The following ERC2 variants were observed in gnomAD, a reference collection of about 807,000 sequenced individuals.
ERC2 encodes ERC protein 2.
Under a neutral mutation model 114.8 loss-of-function variants are expected in ERC2, and 42 were observed. The observed-to-expected ratio is 0.37, with a 90% confidence interval of 0.29 to 0.47. The LOEUF (loss-of-function observed/expected upper bound fraction) is 0.47. Among genes scored for constraint, ERC2 ranks in the 20% least tolerant of loss-of-function variants. The pLI, the probability that ERC2 is intolerant of heterozygous loss-of-function variation, is 0.99. For synonymous variants in ERC2, 454 were observed against 425.5 expected (o/e 1.07, Z -0.82); for missense variants, 939 against 1,150.7 (o/e 0.82, Z 2.66).
chr3:56,093,188 G>A (rs9842617), intron 6 of ERC2, among the ~76,000 whole-genome samples: 27,226 of 152,078 alleles, frequency 0.18, 2,601 homozygotes, highest in African/African-American at 0.23. Flanking sequence ...CTATAAGAGC[G>A]TTCTTATGTT....
chr3:56,268,274 T>A (rs2150286048), intron 3 of ERC2, among the ~76,000 whole-genome samples: 1 of 152,322 alleles, frequency 6.6e-6, no homozygotes, highest in Admixed American at 6.5e-5. Flanking sequence ...CTATACCATA[T>A]AGCCTAGGTA....
intron 4 of ERC2, among the ~76,000 whole-genome samples, chr3:56,165,464 T>TC (rs1206550245): frequency 8.5e-6 from 1 of 118,018 alleles, no homozygotes. Flanking sequence ...ATGCTATCCC[T>TC]CCCCCCTCCC....
chr3:55,750,829 A>G (rs1028432232), intron 14 of ERC2, among the ~76,000 whole-genome samples: 2 of 152,238 alleles, frequency 1.3e-5, no homozygotes, highest in Non-Finnish European at 2.9e-5. Flanking sequence ...GCATGCCCGC[A>G]TGCACACATG....
chr3:55,665,686 C>T (rs1252161463), intron 17 of ERC2, among the ~76,000 whole-genome samples: 1 of 152,156 alleles, frequency 6.6e-6, no homozygotes, highest in East Asian at 1.9e-4. Context: ...CTGCCTACAC[C>T]TTGAACAAAG....
At chr3:56,001,291 T>G (rs2072036124) in intron 10 of ERC2, among the ~76,000 whole-genome samples, 2 of 152,120 alleles carry the variant, frequency 1.3e-5, no homozygotes, top group African/African-American at 4.8e-5. Flanking sequence ...TTTTCCTCTA[T>G]AGGCTTCCAT....
At chr3:55,711,610 T>C (rs963324364) in intron 15 of ERC2, among the ~76,000 whole-genome samples, 4 of 152,366 alleles carry the variant, frequency 2.6e-5, no homozygotes, top group Admixed American at 6.5e-5. Flanking sequence ...GATATCTTTT[T>C]TTCATTTTAT....
rs531364818 is a variant in ERC2, at chr3:55,643,075, C to T, written c.*39+40719G>A. ...TACCCAGTCTGGAGAAACTTTTCTG[C>T]AGGACCCAGCTGTGGATGGGGCTCT... On this transcript the variant is annotated intron_variant, in intron 17 of 17. Transcript: ENST00000288221. 2.6e-5 allele frequency among the ~76,000 whole-genome samples: 4 copies of T among 152,328 alleles called. No individual in the cohort carries two copies. In the South Asian group the frequency reaches 8.3e-4, roughly 32 times the overall value.
chr3:55,516,566 A>G (rs1343767394), intron 17 of ERC2, among the ~76,000 whole-genome samples: 6 of 152,182 alleles, frequency 3.9e-5, no homozygotes, highest in Non-Finnish European at 7.3e-5. Context: ...GGGCGGGGCC[A>G]GCCCTGTGCT....
chr3:55,743,608 A>AG (rs1025735669), intron 14 of ERC2, among the ~76,000 whole-genome samples: 4 of 151,512 alleles, frequency 2.6e-5, no homozygotes, highest in Non-Finnish European at 4.4e-5. Context: ...AAAAAAAAAA[A>AG]AAAAAGAAAC....
intron 14 of ERC2, among the ~76,000 whole-genome samples, chr3:55,837,116 A>G (rs1229082146): frequency 6.6e-6 from 1 of 152,214 alleles, no homozygotes; most frequent in East Asian, 1.9e-4. Context: ...CAGGTGCTGG[A>G]GAGGATGTGG....
At chr3:55,629,439 T>C (rs2059655178) in intron 17 of ERC2, among the ~76,000 whole-genome samples, 2 of 152,264 alleles carry the variant, frequency 1.3e-5, no homozygotes, top group Admixed American at 6.5e-5. Flanking sequence ...TAGGTAAAGT[T>C]AGCTTATGAC....
Position 56,003,170 on chromosome 3 carries a change from A to G in ERC2, c.2061+4011T>C, listed in dbSNP as rs1449572576. 3.1e-6 allele frequency: 4 copies of G among 1,282,046 alleles called. No homozygotes were observed. The African/African-American group carries it at 6.1e-5, about 20-fold the overall frequency. The allele number at this position is 1,282,046 out of a possible 1,614,324, so 79.4% of individuals were successfully genotyped here. A position where few individuals can be genotyped will look rare whatever the true frequency, so the allele number is the denominator to read the frequency against. ...AAGTTGGGGAGGCATTGAGGCACAG[A>G]CAGGGAAAGAAGGAAAGATCCAGAA... On this transcript the variant is annotated intron_variant, in intron 10 of 17. Coordinates refer to ENST00000288221, the MANE Select transcript of ERC2 (RefSeq NM_015576.3).
intron 13 of ERC2, among the ~76,000 whole-genome samples, chr3:55,898,711 G>A (rs931575081): frequency 6.6e-6 from 1 of 151,886 alleles, no homozygotes; most frequent in African/African-American, 2.4e-5. Flanking sequence ...ACAAAGGGTT[G>A]GATTTCCATT....
At chr3:56,120,222 C>T (rs1262993889) in intron 6 of ERC2, among the ~76,000 whole-genome samples, 1 of 152,144 alleles carries the variant, frequency 6.6e-6, no homozygotes, top group Non-Finnish European at 1.5e-5. Context: ...GCCTCTGGTT[C>T]CTAAGGGGAA....
chr3:56,377,739 C>T (rs1007474581), intron 2 of ERC2, among the ~76,000 whole-genome samples: 5 of 151,978 alleles, frequency 3.3e-5, no homozygotes, highest in African/African-American at 9.7e-5. Context: ...CTCTGGAATT[C>T]GGGTGCAGTG....
At chr3:55,997,916 G>GTTTTTTTTGT (rs1559997072) in intron 10 of ERC2, among the ~76,000 whole-genome samples, 1 of 21,936 alleles carries the variant, frequency 4.6e-5, no homozygotes, top group Non-Finnish European at 8.5e-5. Context: ...TTGTGTGTGT[G>GTTTTTTTTGT]TGTGTGTTTT....
chr3:55,655,623 T>C (rs2060823721), intron 17 of ERC2, among the ~76,000 whole-genome samples: 1 of 152,190 alleles, frequency 6.6e-6, no homozygotes, highest in Non-Finnish European at 1.5e-5. Flanking sequence ...CTCATTGACA[T>C]TTCCAGACTG....
intron 2 of ERC2, among the ~76,000 whole-genome samples, chr3:56,355,536 T>G (rs190854795): frequency 4.4e-4 from 67 of 152,190 alleles, no homozygotes; most frequent in African/African-American, 1.5e-3. Context: ...GGTCTTGAAT[T>G]TCTGCACTCA....
chr3:55,734,349 A>C (rs545383323), intron 15 of ERC2, among the ~76,000 whole-genome samples: 1 of 152,174 alleles, frequency 6.6e-6, no homozygotes, highest in Non-Finnish European at 1.5e-5. Context: ...TGAAACCTAA[A>C]AACCTGGATG....
Sources: gnomAD v4.1 joint callset for allele counts (sites outside exome capture counted in the v4.1 genomes callset) on GRCh38, gnomAD v4.1.1 for gene constraint, MANE v1.5 for transcripts, NCBI Gene and HGNC (gene_info 2026-07-23, HGNC 2026-07-21) for gene names.